The following CADPS variants were observed in gnomAD, a reference collection of about 807,000 sequenced individuals.
The protein encoded by CADPS is calcium dependent secretion activator.
In CADPS, 57 loss-of-function variants were observed where a neutral mutation model predicts 167.3. That is an observed-to-expected ratio of 0.34 (90% CI 0.28 to 0.42). The LOEUF (loss-of-function observed/expected upper bound fraction) is 0.42, where lower values mean the gene tolerates loss of function less well. Ranked by LOEUF, CADPS falls within the 20% of genes least tolerant of loss-of-function variation. The probability of loss-of-function intolerance (pLI) is 1.00; values close to 1 mark genes in which losing one functional copy is unlikely to be tolerated. For synonymous variants in CADPS, 676 were observed against 635.3 expected, an observed-to-expected ratio of 1.06 and a Z score of -0.96; for missense variants, 1,414 against 1,738.1, an observed-to-expected ratio of 0.81 and a Z score of 3.32.
chr3:62,503,426 T>G (rs2066102780), intron 17 of CADPS, among the ~76,000 whole-genome samples: 1 of 152,212 alleles, frequency 6.6e-6, no homozygotes, highest in East Asian at 1.9e-4. Context: ...GGGACTGATC[T>G]CTGTAAAGCT....
intron 8 of CADPS, among the ~76,000 whole-genome samples, chr3:62,582,276 T>C (rs1393511023): frequency 1.3e-5 from 2 of 152,108 alleles, no homozygotes; most frequent in African/African-American, 2.4e-5. Flanking sequence ...CAAAACCTCA[T>C]CTCTACCAAA....
Position 62,562,633 on chromosome 3 carries a change from C to T in CADPS, c.1645-5120G>A, listed in dbSNP as rs148320330. Among the ~76,000 whole-genome samples, 778 of 152,338 alleles carry T rather than the reference C, an allele frequency of 5.1e-3. 8 individuals are homozygous for T. The highest frequency in any genetic ancestry group is 0.018 in the African/African-American group (757 of 41,560). The stretch of plus-strand genomic sequence containing the variant: ...TATAGATATAAGCCACTGCACCTGG[C>T]CTTCTGTGGGGGCATTTCTTATGTG... On this transcript the variant is annotated intron_variant, in intron 9 of 29. Coordinates refer to ENST00000383710, the MANE Select transcript of CADPS (RefSeq NM_003716.4).
At chr3:62,733,793 C>T (rs7644624) in intron 3 of CADPS, among the ~76,000 whole-genome samples, 23,683 of 151,954 alleles carry the variant, frequency 0.16, 2,422 homozygotes, top group African/African-American at 0.3. Context: ...TCCTGTCACC[C>T]GAGCAGTATA....
intron 7 of CADPS, among the ~76,000 whole-genome samples, chr3:62,590,238 A>G (rs942165617): frequency 6.6e-6 from 1 of 151,568 alleles, no homozygotes; most frequent in Admixed American, 6.6e-5. Context: ...GGGTCTTCGG[A>G]GGCTCATTGT....
In CADPS at chr3:62,775,344, C is replaced by T. The variant is rs778800896; in HGVS notation, c.442-9360G>A. 3.9e-5 allele frequency among the ~76,000 whole-genome samples: 6 copies of T among 152,134 alleles called. No individual in the cohort carries two copies. In the East Asian group the frequency reaches 1.2e-3, roughly 29 times the overall value. On this transcript the variant is annotated intron_variant, in intron 1 of 29. Transcript: ENST00000383710. ...CTGGGATTACAGGCATTAGCCACTGCGCCTGGCCCGTAAGTGGTTTTATTT... is the reference window on the plus strand; with the variant it reads ...CTGGGATTACAGGCATTAGCCACTGTGCCTGGCCCGTAAGTGGTTTTATTT...
rs917833794 is a variant in CADPS at position 62,743,096 on chromosome 3, C to A, written c.888+10345G>T. On this transcript the variant is annotated intron_variant, in intron 3 of 29. Transcript: ENST00000383710. ...AGATACCATCTCACACGAGTCATAA[C>A]GGCTATTATTAAAAAGTCAAAAAAT... Among the ~76,000 whole-genome samples, 2 of 151,854 alleles carry A rather than the reference C, an allele frequency of 1.3e-5. 1 individual carries two copies. The highest frequency in any genetic ancestry group is 4.1e-4 in the South Asian group (2 of 4,822).
At chr3:62,707,404 G>C (rs1344523181) in intron 3 of CADPS, among the ~76,000 whole-genome samples, 1 of 152,082 alleles carries the variant, frequency 6.6e-6, no homozygotes, top group Non-Finnish European at 1.5e-5. Context: ...CACTGTTTTA[G>C]GGGGACAAAA....
intron 5 of CADPS, among the ~76,000 whole-genome samples, chr3:62,649,246 A>G (rs925934203): frequency 3.3e-5 from 5 of 152,156 alleles, no homozygotes; most frequent in African/African-American, 4.8e-5. Flanking sequence ...GGGGCTGGTT[A>G]AAGTATACAG....
intron 12 of CADPS, among the ~76,000 whole-genome samples, chr3:62,533,646 C>T (rs1231381327): frequency 6.6e-6 from 1 of 152,120 alleles, no homozygotes; most frequent in African/African-American, 2.4e-5. Flanking sequence ...TGTCATATTC[C>T]AAGTCTTCTT....
chr3:62,859,193 T>C (rs1026285651), intron 1 of CADPS, among the ~76,000 whole-genome samples: 6 of 152,184 alleles, frequency 3.9e-5, no homozygotes, highest in Non-Finnish European at 5.9e-5. Flanking sequence ...GTTTGTCCTT[T>C]CCAGTGATTC....
At chr3:62,581,449 T>TAA (rs549450552) in intron 8 of CADPS, among the ~76,000 whole-genome samples, 4,239 of 121,450 alleles carry the variant, frequency 0.035, 227 homozygotes, top group African/African-American at 0.11. Flanking sequence ...GTTAGAAAAT[T>TAA]AAAAAAAAAA....
intron 3 of CADPS, among the ~76,000 whole-genome samples, chr3:62,683,552 C>T (rs905268798): frequency 6.6e-6 from 1 of 152,114 alleles, no homozygotes; most frequent in Non-Finnish European, 1.5e-5. Context: ...TTCTTGTTAA[C>T]ATCTCATGTT....
chr3:62,764,502 T>C (rs2152495906), intron 2 of CADPS, among the ~76,000 whole-genome samples: 1 of 152,380 alleles, frequency 6.6e-6, no homozygotes, highest in East Asian at 1.9e-4. Flanking sequence ...AAAAGGAGTC[T>C]GTGGTTGGTC....
chr3:62,865,741 C>T (rs980821191), intron 1 of CADPS, among the ~76,000 whole-genome samples: 3 of 152,062 alleles, frequency 2.0e-5, no homozygotes, highest in Non-Finnish European at 2.9e-5. Flanking sequence ...ATAGCATATT[C>T]TTATTACCAT....
intron 6 of CADPS, among the ~76,000 whole-genome samples, chr3:62,594,953 CATT>C (rs1483514789): frequency 6.6e-6 from 1 of 152,252 alleles, no homozygotes; most frequent in Non-Finnish European, 1.5e-5. Flanking sequence ...CCTATTTTAT[CATT>C]GTTGTTTTCA....
rs1236210278 is a variant in CADPS at position 62,445,130 on chromosome 3, A to T, written c.3669+635T>A. On this transcript the variant is annotated intron_variant, in intron 27 of 29. Coordinates refer to ENST00000383710, the MANE Select transcript of CADPS (RefSeq NM_003716.4). ...CTTTAGCATTCATGTGTTGTACTTAACCTCAATTTAAATGTAAATTTTGGG... is the reference window on the plus strand; with the variant it reads ...CTTTAGCATTCATGTGTTGTACTTATCCTCAATTTAAATGTAAATTTTGGG... Among the ~76,000 whole-genome samples the T allele has an allele frequency of 2.6e-5, 4 of 152,264 alleles. No individual in the cohort carries two copies. In the East Asian group the frequency reaches 7.7e-4, roughly 29 times the overall value.
intron 1 of CADPS, among the ~76,000 whole-genome samples, chr3:62,806,771 G>C (rs1198583576): frequency 6.6e-6 from 1 of 151,974 alleles, no homozygotes. Context: ...TTTTAAAAAA[G>C]GAAACAAGCA....
intron 3 of CADPS, among the ~76,000 whole-genome samples, chr3:62,704,731 T>C (rs937248256): frequency 3.9e-5 from 6 of 152,172 alleles, no homozygotes; most frequent in Admixed American, 1.3e-4. Flanking sequence ...ACTGGAAGTA[T>C]AAAAAGGTGC....
chr3:62,585,204 G>C lies in CADPS; in HGVS notation c.1558C>G (p.Gln520Glu). 6.2e-7 allele frequency: 1 copy of C among 1,613,912 alleles called. No homozygotes were observed. The highest frequency in any genetic ancestry group is 8.5e-7 in the Non-Finnish European group (1 of 1,179,852). ...IKLAVRMDKP[Q>E]NMKHSGYLWA... ...ACTTACCCAGAATGCTTCATGTTTT[G>C]AGGCTTATCCATTCGGACAGCAAGT... Residue 520 changes from glutamine (Q) to glutamate (E), a missense_variant, in exon 8 of 30, where the codon CAA (glutamine) becomes GAA (glutamate). Gln to Glu is a conservative substitution (Grantham distance 29). Coordinates refer to ENST00000383710, the MANE Select transcript of CADPS (RefSeq NM_003716.4).
Sources: allele counts gnomAD v4.1 joint callset (sites outside exome capture counted in the v4.1 genomes callset), GRCh38; gene constraint gnomAD v4.1.1; transcripts MANE v1.5; gene names NCBI Gene and HGNC (gene_info 2026-07-23, HGNC 2026-07-21).